Variants in USP54 observed in about 807,000 individuals in gnomAD.
USP54 encodes ubiquitin carboxyl-terminal hydrolase 54.
Under a neutral mutation model 170.5 loss-of-function variants are expected in USP54, and 87 were observed. The ratio of observed to expected loss-of-function variants is 0.51; its 90% CI spans 0.43 to 0.61. The LOEUF (loss-of-function observed/expected upper bound fraction) is 0.61. Ranked by LOEUF, USP54 falls within the 20% of genes least tolerant of loss-of-function variation. The probability of loss-of-function intolerance (pLI) is 0.00; values close to 1 mark genes in which losing one functional copy is unlikely to be tolerated. For synonymous variants in USP54, 655 were observed against 742.8 expected, an observed-to-expected ratio of 0.88 and a Z score of 1.92; for missense variants, 1,786 against 2,047.8, an observed-to-expected ratio of 0.87 and a Z score of 2.47.
chr10:73,569,969 A>C (rs1476813070), intron 4 of USP54, among the ~76,000 whole-genome samples: 3 of 149,970 alleles, frequency 2.0e-5, no homozygotes, highest in Non-Finnish European at 4.4e-5. Flanking sequence ...TGGTCAAAAA[A>C]AATTTTGAGT....
chr10:73,612,256 A>G (rs191953978), intron 1 of USP54, among the ~76,000 whole-genome samples: 1 of 152,264 alleles, frequency 6.6e-6, no homozygotes, highest in East Asian at 1.9e-4. Context: ...TTTAAATGCA[A>G]CCCCTCTAAC....
chr10:73,604,275 A>C (rs1052974718), intron 1 of USP54, among the ~76,000 whole-genome samples: 3 of 152,152 alleles, frequency 2.0e-5, no homozygotes, highest in African/African-American at 7.2e-5. Context: ...CCACACACAA[A>C]ACAAAAAAAA....
At position 73,532,153 on chromosome 10, in the gene USP54, G is replaced by A. The variant is rs529869461; in HGVS notation, c.1316-1318C>T. ...CCCACAAGAAAGATTTAAGAGAGGA[G>A]GAAATAACTTGGAACAACTAAGTCT... On this transcript the variant is annotated intron_variant, in intron 12 of 23. Coordinates refer to ENST00000687698, the MANE Select transcript of USP54 (RefSeq NM_001391956.1). Among the ~76,000 whole-genome samples, 5 of 152,230 alleles carry A rather than the reference G, an allele frequency of 3.3e-5. No homozygotes were observed. The East Asian group carries it at 7.7e-4, about 24-fold the overall frequency.
At chr10:73,545,872 C>T (rs1278234748) in intron 4 of USP54, among the ~76,000 whole-genome samples, 200 bp from the exon 5 acceptor site, 1 of 152,130 alleles carries the variant, frequency 6.6e-6, no homozygotes, top group Admixed American at 6.6e-5. Flanking sequence ...TAATAAAGAT[C>T]CTCACTCCTT....
chr10:73,608,729 C>G (rs973949932), intron 1 of USP54, among the ~76,000 whole-genome samples: 4 of 152,030 alleles, frequency 2.6e-5, no homozygotes, highest in Admixed American at 2.6e-4. Context: ...AACCCAGTCT[C>G]TACTAAAAAT....
At chr10:73,555,302 C>T (rs1396073766) in intron 4 of USP54, among the ~76,000 whole-genome samples, 3 of 152,266 alleles carry the variant, frequency 2.0e-5, no homozygotes, top group African/African-American at 7.2e-5. Flanking sequence ...AAAGCACATA[C>T]CTATCCTTTA....
chr10:73,618,623 A>G lies in USP54; in HGVS notation c.-18+6944T>C, dbSNP rs2080838557. ...GCTGGGCATGGGGCTCACGCCTGCAATCCCAACTACTTGGGAGGCTGAGGA... is the reference window on the plus strand; with the variant it reads ...GCTGGGCATGGGGCTCACGCCTGCAGTCCCAACTACTTGGGAGGCTGAGGA... On this transcript the variant is annotated intron_variant, in intron 1 of 22. Coordinates refer to the USP54 transcript ENST00000339859. Among the ~76,000 whole-genome samples, 7 of 149,582 alleles carry G rather than the reference A, an allele frequency of 4.7e-5. 1 individual carries two copies. Among genetic ancestry groups the G allele is most frequent in the Middle Eastern group, 3.4e-3 (1 of 292 alleles).
chr10:73,531,002 T>A (rs763314427), intron 12 of USP54, among the ~76,000 whole-genome samples, 167 bp from the exon 13 acceptor site: 21 of 151,954 alleles, frequency 1.4e-4, no homozygotes, highest in Non-Finnish European at 2.4e-4. Context: ...TCCCAGTAGA[T>A]AAATGCAGAG....
intron 1 of USP54, among the ~76,000 whole-genome samples, chr10:73,600,345 A>T (rs929580335): frequency 6.6e-6 from 1 of 152,096 alleles, no homozygotes; most frequent in Admixed American, 6.6e-5. Context: ...AAGTGGGGGT[A>T]GCTATAAAAG....
intron 21 of USP54, 21 bp from the exon 22 acceptor site, chr10:73,505,011 A>G (rs1227560185): frequency 5.6e-6 from 9 of 1,613,814 alleles, no homozygotes; most frequent in African/African-American, 1.3e-5. Context: ...ACAGACACAT[A>G]CAGGCAGACA....
Position 73,530,519 on chromosome 10 carries a change from T to G in USP54, c.1452A>C (p.Glu484Asp). ...PQASGYHSEG[E>D]TLKEKQAPRN... is the part of the protein sequence containing the mutation. ...TAGGAGCCTGCTTCTCTTTCAGTGT[T>G]TCTCCTAAAAACACAAAGAATGAAA... Residue 484 changes from glutamate (E) to aspartate (D), a missense_variant, in exon 14 of 24, where the codon GAA becomes GAC. By Grantham distance (45) the Glu-to-Asp change is conservative. This residue lies in a region of USP54 where 1,418 missense variants were observed against 1,569.0 expected (regional missense o/e 0.90). Transcript: ENST00000687698. The G allele has an allele frequency of 6.2e-7, 1 of 1,605,342 alleles. No individual in the cohort carries two copies. Among genetic ancestry groups the G allele is most frequent in the Non-Finnish European group, 8.5e-7 (1 of 1,177,284 alleles).
intron 12 of USP54, 124 bp from the exon 13 acceptor site, chr10:73,530,959 G>T: frequency 1.5e-6 from 2 of 1,335,720 alleles, no homozygotes. Flanking sequence ...AGAAGCTGTA[G>T]GGCATAGGCT....
chr10:73,543,946 C>A (rs2067181160), intron 5 of USP54, among the ~76,000 whole-genome samples: 1 of 143,848 alleles, frequency 7.0e-6, no homozygotes, highest in Non-Finnish European at 1.5e-5. Context: ...ACCACATAAC[C>A]TTTTTTTTTT....
At chr10:73,501,728 A>G (rs1004189932) in intron 22 of USP54, among the ~76,000 whole-genome samples, 45 of 151,976 alleles carry the variant, frequency 3.0e-4, no homozygotes, top group African/African-American at 1.1e-3. Context: ...ATTTCCTATC[A>G]TTCCTGGAGC....
chr10:73,505,275 C>T (rs2058910222), intron 21 of USP54, 33 bp downstream of exon 21: 6 of 1,595,138 alleles, frequency 3.8e-6, no homozygotes, highest in African/African-American at 1.3e-5. Context: ...CACACCACCC[C>T]AGGCCCAGCA....
At position 73,516,361 on chromosome 10, in the gene USP54, G is replaced by A; in HGVS notation, c.4051+14C>T. ...ATCCTCCCCCCTCCCCCCAACCCCT[G>A]GTTGCATTCTTACCTGTTTGGCTAA... On this transcript the variant is annotated intron_variant, in intron 20 of 23. Coordinates refer to ENST00000687698, the MANE Select transcript of USP54 (RefSeq NM_001391956.1). 1 of 1,588,860 alleles carries A rather than the reference G, an allele frequency of 6.3e-7. No individual in the cohort carries two copies. The highest frequency in any genetic ancestry group is 1.1e-5 in the South Asian group (1 of 87,354).
chr10:73,523,629 G>T lies in USP54; in HGVS notation c.2316C>A (p.Asn772Lys), dbSNP rs1375914511. The T allele has an allele frequency of 6.2e-7, 1 of 1,613,154 alleles. No individual in the cohort carries two copies. The highest frequency in any genetic ancestry group is 1.3e-5 in the African/African-American group (1 of 74,888). Residue 772 changes from asparagine to lysine, a missense_variant, in exon 17 of 24, where the codon AAC becomes AAA. Transcript: ENST00000687698. The stretch of plus-strand genomic sequence containing the variant: ...AGTCCATGAAGCGGCTAGGATGAGG[G>T]TTAAACCCTTTCGCTGCCTCTAACT... ...EKELEAAKGFNPHPSRFMDLD... is the reference protein window; with the variant it reads ...EKELEAAKGFKPHPSRFMDLD...
At position 73,517,614 on chromosome 10, in the gene USP54, G is replaced by C. The variant is rs1359403612; in HGVS notation, c.2812C>G (p.Pro938Ala). Residue 938 changes from proline to alanine, a missense_variant, in exon 20 of 24, where the codon CCA becomes GCA. This residue lies in a region of USP54 where 1,418 missense variants were observed against 1,569.0 expected (regional missense o/e 0.90). Transcript: ENST00000687698. ...SCHESHSSLSPESSAPQHSSP... is the reference protein window; with the variant it reads ...SCHESHSSLSAESSAPQHSSP... The stretch of plus-strand genomic sequence containing the variant: ...CTGTGCTGTGGGGCAGATGACTCTG[G>C]AGATAGTGATGAGTGTGACTCATGG... 5.0e-6 allele frequency: 8 copies of C among 1,614,222 alleles called. No individual in the cohort carries two copies. The highest frequency in any genetic ancestry group is 6.8e-6 in the Non-Finnish European group (8 of 1,180,040).
intron 15 of USP54, 65 bp from the exon 16 acceptor site, chr10:73,526,845 T>G: frequency 2.0e-6 from 3 of 1,528,304 alleles, no homozygotes; most frequent in Non-Finnish European, 2.6e-6. Context: ...TTCCTAGGAC[T>G]AAATCTCTCT....
Sources: allele counts gnomAD v4.1 joint callset (sites outside exome capture counted in the v4.1 genomes callset), GRCh38; gene constraint gnomAD v4.1.1; regional missense constraint gnomAD v4.1.1; transcripts MANE v1.5; gene names NCBI Gene and HGNC (gene_info 2026-07-23, HGNC 2026-07-21).